GMDS: variants seen among roughly 807,000 people sequenced by gnomAD.
GMDS encodes GDP-mannose 4,6 dehydratase.
GMDS carries 20 observed loss-of-function variants against 49.9 expected under a neutral mutation model. The observed-to-expected ratio is 0.40, with a 90% CI of 0.28 to 0.58. The LOEUF is 0.58. Among genes scored for constraint, GMDS ranks in the 20% least tolerant of loss-of-function variants. The probability of loss-of-function intolerance (pLI) is 0.42; values close to 1 mark genes in which losing one functional copy is unlikely to be tolerated. For missense variants in GMDS, 362 were observed against 481.4 expected (o/e 0.75, Z 2.32); for synonymous variants, 177 against 178.6 (o/e 0.99, Z 0.07).
intron 7 of GMDS, among the ~76,000 whole-genome samples, chr6:1,802,295 CTCAA>C (rs1200539822): frequency 1.3e-5 from 2 of 152,124 alleles, no homozygotes; most frequent in Admixed American, 1.3e-4. Flanking sequence ...ATAGTCGTTA[CTCAA>C]TCAATATTAC....
chr6:1,967,707 A>G (rs1164929423), intron 4 of GMDS, among the ~76,000 whole-genome samples: 1 of 152,218 alleles, frequency 6.6e-6, no homozygotes. Flanking sequence ...AGGCGCAGTC[A>G]GGGCAGCCTC....
At chr6:1,983,864 T>C (rs1765376698) in intron 4 of GMDS, among the ~76,000 whole-genome samples, 1 of 152,216 alleles carries the variant, frequency 6.6e-6, no homozygotes, top group Non-Finnish European at 1.5e-5. Context: ...GCAATCCCAT[T>C]ACTGGGTATA....
Position 1,671,199 on chromosome 6 carries a change from G to A in GMDS, c.988-46659C>T, listed in dbSNP as rs376366995. Reference sequence around the variant, plus strand: ...GAGCTTAGCTTTCTCGGCAACCTGTGACCTACAAAGACGCCTGCCCTTCAG... The same window carrying A: ...GAGCTTAGCTTTCTCGGCAACCTGTAACCTACAAAGACGCCTGCCCTTCAG... On this transcript the variant is annotated intron_variant, in intron 9 of 10. Coordinates refer to ENST00000380815, the MANE Select transcript of GMDS (RefSeq NM_001500.4). Among the ~76,000 whole-genome samples, 7 of 152,180 alleles carry A rather than the reference G, an allele frequency of 4.6e-5. No individual in the cohort carries two copies. In the East Asian group the frequency reaches 1.3e-3, roughly 29 times the overall value.
chr6:2,078,899 C>T (rs918242186), intron 4 of GMDS, among the ~76,000 whole-genome samples: 4 of 151,812 alleles, frequency 2.6e-5, no homozygotes, highest in South Asian at 2.1e-4. Context: ...AGTCTCTCTC[C>T]TTAAATCTAG....
intron 4 of GMDS, among the ~76,000 whole-genome samples, chr6:2,029,959 G>A (rs1253847538): frequency 6.6e-6 from 1 of 152,084 alleles, no homozygotes; most frequent in South Asian, 2.1e-4. Context: ...CTCGGTCCTA[G>A]TCAAACCTCT....
At chr6:2,070,607 A>T (rs1771932960) in intron 4 of GMDS, among the ~76,000 whole-genome samples, 1 of 152,144 alleles carries the variant, frequency 6.6e-6, no homozygotes, top group Admixed American at 6.5e-5. Flanking sequence ...AGGCATTATC[A>T]ATACTAAGAC....
At chr6:2,208,110 C>T (rs751081251) in intron 1 of GMDS, among the ~76,000 whole-genome samples, 1 of 151,894 alleles carries the variant, frequency 6.6e-6, no homozygotes, top group Non-Finnish European at 1.5e-5. Flanking sequence ...AGTTAGAACC[C>T]AACACACATC....
chr6:1,929,345 T>C (rs940294223), intron 7 of GMDS, among the ~76,000 whole-genome samples: 2 of 152,218 alleles, frequency 1.3e-5, no homozygotes, highest in African/African-American at 4.8e-5. Flanking sequence ...GTCTCTACCA[T>C]GCTTGCTCAT....
chr6:1,991,851 A>G (rs969166718), intron 4 of GMDS, among the ~76,000 whole-genome samples: 7 of 152,334 alleles, frequency 4.6e-5, no homozygotes, highest in African/African-American at 1.4e-4. Context: ...CACACAGTCC[A>G]CCGTGACTGG....
chr6:1,923,555 G>A (rs1761833572), intron 7 of GMDS, among the ~76,000 whole-genome samples: 2 of 152,188 alleles, frequency 1.3e-5, no homozygotes, highest in South Asian at 4.1e-4. Flanking sequence ...TCCCACAAGG[G>A]GTTGAGCGCA....
chr6:1,696,099 A>T (rs1013515459), intron 9 of GMDS, among the ~76,000 whole-genome samples: 3 of 152,094 alleles, frequency 2.0e-5, no homozygotes, highest in Non-Finnish European at 4.4e-5. Context: ...AAACAAAAAC[A>T]TGCAGGAGAG....
At chr6:1,840,334 C>A (rs1372109534) in intron 7 of GMDS, among the ~76,000 whole-genome samples, 1 of 152,214 alleles carries the variant, frequency 6.6e-6, no homozygotes, top group East Asian at 1.9e-4. Flanking sequence ...GAACATACAT[C>A]ACGTGCCTGG....
At chr6:2,097,849 A>G (rs1019413594) in intron 4 of GMDS, among the ~76,000 whole-genome samples, 1 of 152,200 alleles carries the variant, frequency 6.6e-6, no homozygotes, top group East Asian at 1.9e-4. Flanking sequence ...CAAAAGAAAC[A>G]TGTCAAATAA....
At chr6:2,235,809 TA>T (rs574415869) in intron 1 of GMDS, among the ~76,000 whole-genome samples, 916 of 79,480 alleles carry the variant, frequency 0.012, 2 homozygotes, top group Middle Eastern at 0.038. Flanking sequence ...TTCTGGAAAA[TA>T]AAAAAAAATA....
intron 1 of GMDS, among the ~76,000 whole-genome samples, chr6:2,168,492 C>T (rs1440664970): frequency 6.6e-6 from 1 of 152,216 alleles, no homozygotes; most frequent in Non-Finnish European, 1.5e-5. Context: ...CTTTAGCCTA[C>T]ATCACCACAA....
chr6:2,015,737 C>T (rs1027670377), intron 4 of GMDS, among the ~76,000 whole-genome samples: 1 of 152,118 alleles, frequency 6.6e-6, no homozygotes, highest in Non-Finnish European at 1.5e-5. Flanking sequence ...TTGGAACACA[C>T]GTTTGTTCAT....
chr6:2,065,227 G>A (rs919046178), intron 4 of GMDS, among the ~76,000 whole-genome samples: 1 of 151,354 alleles, frequency 6.6e-6, no homozygotes, highest in Non-Finnish European at 1.5e-5. Context: ...CTGTTAGAGG[G>A]AAAACTAACA....
At chr6:2,021,100 G>A (rs1377093435) in intron 4 of GMDS, among the ~76,000 whole-genome samples, 1 of 152,204 alleles carries the variant, frequency 6.6e-6, no homozygotes, top group Non-Finnish European at 1.5e-5. Context: ...TCCACATCCT[G>A]TTGCCTTACT....
At chr6:1,928,342 C>A (rs1321619819) in intron 7 of GMDS, among the ~76,000 whole-genome samples, 4 of 144,704 alleles carry the variant, frequency 2.8e-5, no homozygotes, top group African/African-American at 7.6e-5. Flanking sequence ...TCCAGACTGG[C>A]AACAGAGCGA....
Sources: allele counts gnomAD v4.1 joint callset (sites outside exome capture counted in the v4.1 genomes callset), GRCh38; gene constraint gnomAD v4.1.1; transcripts MANE v1.5; gene names NCBI Gene and HGNC (gene_info 2026-07-23, HGNC 2026-07-21).